MAPDA: variants seen among roughly 807,000 people sequenced by gnomAD.
The protein encoded by MAPDA is N6-Methyl-AMP deaminase.
the MAPDA span, among the ~76,000 whole-genome samples, chr15:43,342,446 TAAAAAAAA>T: frequency 7.9e-5 from 9 of 113,608 alleles, no homozygotes; most frequent in African/African-American, 2.9e-4. Context: ...ATATCCCTTT[TAAAAAAAA>T]AAAAAAAAAA....
At chr15:43,346,699 G>A in the MAPDA span, among the ~76,000 whole-genome samples, 2 of 152,218 alleles carry the variant, frequency 1.3e-5, no homozygotes, top group Admixed American at 6.5e-5. Context: ...TGAGTCAAGT[G>A]AGTGAGTTCT....
chr15:43,331,770 G>A, the MAPDA span: 2 of 152,272 alleles, frequency 1.3e-5, no homozygotes, highest in Non-Finnish European at 2.9e-5. Context: ...CAGTGAATAG[G>A]AGGTGAGTTA....
chr15:43,331,626 TAAG>T, the MAPDA span, among the ~76,000 whole-genome samples: 1 of 152,066 alleles, frequency 6.6e-6, no homozygotes, highest in Non-Finnish European at 1.5e-5. Context: ...CAAAATGAAA[TAAG>T]AAAGAAAAGG....
chr15:43,336,598 A>G, the MAPDA span: 2 of 1,540,416 alleles, frequency 1.3e-6, no homozygotes, highest in Admixed American at 2.2e-5. Context: ...TGACTAGATT[A>G]TGTTAAAACT....
the MAPDA span, among the ~76,000 whole-genome samples, chr15:43,334,461 C>G: frequency 6.6e-6 from 1 of 150,836 alleles, no homozygotes; most frequent in Admixed American, 6.6e-5. Flanking sequence ...GACCCTGTCT[C>G]TATTAAAAAT....
the MAPDA span, among the ~76,000 whole-genome samples, chr15:43,332,680 A>C: frequency 6.6e-6 from 1 of 152,166 alleles, no homozygotes; most frequent in Non-Finnish European, 1.5e-5. Flanking sequence ...CAAAATAACT[A>C]TCTAAGACAC....
At chr15:43,344,238 AT>A in the MAPDA span, among the ~76,000 whole-genome samples, 2 of 152,054 alleles carry the variant, frequency 1.3e-5, no homozygotes, top group African/African-American at 4.8e-5. Flanking sequence ...CCTTATTATA[AT>A]GTTATTTATA....
At chr15:43,336,444 AGTAAT>A in the MAPDA span, among the ~76,000 whole-genome samples, 43,036 of 151,766 alleles carry the variant, frequency 0.28, 9,722 homozygotes, top group African/African-American at 0.62. Context: ...TAAAAATATC[AGTAAT>A]GTTTTATTTT....
chr15:43,335,715 A>G, the MAPDA span: 1 of 1,611,392 alleles, frequency 6.2e-7, no homozygotes, highest in Non-Finnish European at 8.5e-7. Context: ...GCCCACTTGA[A>G]TGGATCCATT....
At chr15:43,330,678 A>T in the MAPDA span, 1 of 577,834 alleles carries the variant, frequency 1.7e-6, no homozygotes, top group Non-Finnish European at 2.8e-6. Flanking sequence ...GGGTGTAGCC[A>T]GTGCTAAGTT....
At chr15:43,334,822 C>T in the MAPDA span, 7 of 276,864 alleles carry the variant, frequency 2.5e-5, no homozygotes, top group South Asian at 5.1e-5. Flanking sequence ...GTTTACTAAT[C>T]GTTTTCCCAC....
the MAPDA span, among the ~76,000 whole-genome samples, chr15:43,334,210 G>A: frequency 3.2e-4 from 48 of 152,226 alleles, no homozygotes; most frequent in African/African-American, 1.1e-3. Context: ...CTGAAGCCAT[G>A]AAGGTGAGTG....
the MAPDA span, among the ~76,000 whole-genome samples, chr15:43,343,405 C>T: frequency 6.6e-6 from 1 of 152,188 alleles, no homozygotes; most frequent in African/African-American, 2.4e-5. Flanking sequence ...CTCCTCCTCC[C>T]TTACACGTGG....
At chr15:43,340,019 G>A in the MAPDA span, among the ~76,000 whole-genome samples, 3 of 152,228 alleles carry the variant, frequency 2.0e-5, no homozygotes, top group Middle Eastern at 3.2e-3. Context: ...AGCAAAGGGT[G>A]TAGCTGATGT....
the MAPDA span, among the ~76,000 whole-genome samples, chr15:43,339,373 T>C: frequency 2.0e-5 from 3 of 152,204 alleles, no homozygotes; most frequent in Admixed American, 6.5e-5. Context: ...ATTTTTGTCT[T>C]TAGTGGAAAA....
chr15:43,348,512 A>G, the MAPDA span, among the ~76,000 whole-genome samples: 1 of 152,334 alleles, frequency 6.6e-6, no homozygotes, highest in Non-Finnish European at 1.5e-5. Flanking sequence ...AGAACTTTTT[A>G]TAATATATAT....
the MAPDA span, chr15:43,350,872 AC>A: frequency 7.7e-7 from 1 of 1,291,002 alleles, no homozygotes; most frequent in Admixed American, 2.1e-5. Flanking sequence ...TCTCGTGTCT[AC>A]TTGGTGAACA....
chr15:43,330,590 T>A, the MAPDA span: 2 of 1,357,314 alleles, frequency 1.5e-6, no homozygotes, highest in Non-Finnish European at 1.9e-6. Context: ...AAACCACCCA[T>A]GCTCCTGGAC....
chr15:43,332,741 T>G, the MAPDA span, among the ~76,000 whole-genome samples: 1 of 152,278 alleles, frequency 6.6e-6, no homozygotes. Flanking sequence ...CAAATTTTTT[T>G]TTATTCTGAG....
Sources: allele counts gnomAD v4.1 joint callset (sites outside exome capture counted in the v4.1 genomes callset), GRCh38; gene constraint gnomAD v4.1.1; transcripts MANE v1.5; gene names NCBI Gene and HGNC (gene_info 2026-07-23, HGNC 2026-07-21).